The following PTPRG variants were observed in gnomAD, a reference collection of about 807,000 sequenced individuals.
PTPRG encodes the protein receptor-type tyrosine-protein phosphatase gamma.
PTPRG carries 102 observed loss-of-function variants against 165.3 expected under a neutral mutation model. That is an observed-to-expected ratio of 0.62 (90% CI 0.53 to 0.73). The LOEUF is 0.73. PTPRG is among the 30% of genes least tolerant of loss of function. PTPRG has a pLI of 0.00. For synonymous variants in PTPRG, 675 were observed against 669.5 expected (o/e 1.01, Z -0.13); for missense variants, 1,866 against 1,861.4 (o/e 1.00, Z -0.05).
intron 2 of PTPRG, among the ~76,000 whole-genome samples, chr3:61,789,458 A>G (rs1419293145): frequency 1.3e-5 from 2 of 152,170 alleles, no homozygotes; most frequent in Admixed American, 6.5e-5. Context: ...TTGCCCTTAC[A>G]GAAATTCATA....
intron 2 of PTPRG, among the ~76,000 whole-genome samples, chr3:61,939,087 C>T (rs954311417): frequency 6.6e-6 from 1 of 152,156 alleles, no homozygotes; most frequent in East Asian, 1.9e-4. Context: ...TGGGTACAGG[C>T]GCGATGTCCA....
intron 4 of PTPRG, among the ~76,000 whole-genome samples, chr3:62,058,174 G>A (rs547336126): frequency 3.2e-4 from 48 of 152,240 alleles, no homozygotes; most frequent in African/African-American, 1.1e-3. Flanking sequence ...AAAGCAGGAC[G>A]GAAAATTGTG....
chr3:61,962,770 G>A (rs1219992546), intron 2 of PTPRG, among the ~76,000 whole-genome samples: 1 of 152,094 alleles, frequency 6.6e-6, no homozygotes, highest in Non-Finnish European at 1.5e-5. Flanking sequence ...CTAGAAGCTG[G>A]GACACCAAAG....
intron 2 of PTPRG, among the ~76,000 whole-genome samples, chr3:61,781,149 A>G (rs2034533243): frequency 6.6e-6 from 1 of 152,240 alleles, no homozygotes; most frequent in Admixed American, 6.5e-5. Context: ...GTAGGAGGAA[A>G]GATGCCTTGG....
intron 1 of PTPRG, among the ~76,000 whole-genome samples, chr3:61,641,280 C>T (rs185308267): frequency 1.1e-4 from 17 of 152,208 alleles, no homozygotes; most frequent in Admixed American, 4.6e-4. Flanking sequence ...GTTCTTGGCT[C>T]TGGGGATGCA....
chr3:61,847,210 T>C (rs1465924552), intron 2 of PTPRG, among the ~76,000 whole-genome samples: 2 of 152,092 alleles, frequency 1.3e-5, no homozygotes, highest in Non-Finnish European at 2.9e-5. Flanking sequence ...GGTGTCCTTA[T>C]GTAAATGGGA....
intron 5 of PTPRG, among the ~76,000 whole-genome samples, chr3:62,112,066 C>G (rs1702686722): frequency 1.3e-5 from 2 of 152,018 alleles, no homozygotes; most frequent in African/African-American, 4.8e-5. Context: ...AACACCATGG[C>G]CCCAGGTTGA....
intron 1 of PTPRG, among the ~76,000 whole-genome samples, chr3:61,630,332 T>A (rs1379975165): frequency 1.3e-5 from 2 of 152,198 alleles, no homozygotes; most frequent in Non-Finnish European, 2.9e-5. Flanking sequence ...TGTTAACAAA[T>A]ACCACTGTTC....
chr3:62,102,400 G>A (rs1010979755), intron 5 of PTPRG, among the ~76,000 whole-genome samples: 4 of 152,032 alleles, frequency 2.6e-5, no homozygotes, highest in Admixed American at 6.6e-5. Context: ...TCAGCCTCCC[G>A]AGTAGCGTGG....
intron 2 of PTPRG, among the ~76,000 whole-genome samples, chr3:61,854,219 C>T (rs112896227): frequency 2.0e-5 from 3 of 152,288 alleles, no homozygotes; most frequent in African/African-American, 7.2e-5. Flanking sequence ...GAGACAATAA[C>T]CTCCTTGCCC....
chr3:61,890,430 T>TTTTTTTTTTTTTTTTTG (rs2038181159), intron 2 of PTPRG, among the ~76,000 whole-genome samples: 1 of 150,594 alleles, frequency 6.6e-6, no homozygotes, highest in Non-Finnish European at 1.5e-5. Context: ...TTTGTTTTTT[T>TTTTTTTTTTTTTTTTTG]TTTTTTTTAG....
intron 2 of PTPRG, among the ~76,000 whole-genome samples, chr3:61,808,506 A>G (rs1013429849): frequency 1.3e-5 from 2 of 152,278 alleles, no homozygotes; most frequent in African/African-American, 4.8e-5. Flanking sequence ...TATCAACCTC[A>G]TCATAACCTT....
intron 10 of PTPRG, among the ~76,000 whole-genome samples, chr3:62,200,530 A>G (rs983075513): frequency 6.6e-6 from 1 of 152,140 alleles, no homozygotes; most frequent in African/African-American, 2.4e-5. Context: ...CAGCCTCCCA[A>G]AGTGCTAGGA....
At chr3:61,672,831 G>A (rs1026232124) in intron 1 of PTPRG, among the ~76,000 whole-genome samples, 1 of 151,332 alleles carries the variant, frequency 6.6e-6, no homozygotes, top group Non-Finnish European at 1.5e-5. Flanking sequence ...GAGGGAGAGG[G>A]AGAGGGCTCT....
chr3:61,958,653 A>T (rs1391814525), intron 2 of PTPRG, among the ~76,000 whole-genome samples: 1 of 152,140 alleles, frequency 6.6e-6, no homozygotes, highest in Non-Finnish European at 1.5e-5. Context: ...TCTCTTTATG[A>T]TCATCTTTCC....
intron 2 of PTPRG, among the ~76,000 whole-genome samples, chr3:61,883,578 C>CA (rs1364126508): frequency 1.3e-5 from 2 of 151,902 alleles, no homozygotes; most frequent in Non-Finnish European, 2.9e-5. Flanking sequence ...TCCATGGGGA[C>CA]AAAAAAATAG....
chr3:61,935,904 A>G (rs1267244268), intron 2 of PTPRG, among the ~76,000 whole-genome samples: 2 of 152,098 alleles, frequency 1.3e-5, no homozygotes, highest in Non-Finnish European at 2.9e-5. Context: ...TCCCTTCAAA[A>G]TGCGTGTTGA....
intron 8 of PTPRG, among the ~76,000 whole-genome samples, chr3:62,189,835 A>T (rs762172038): frequency 6.6e-6 from 1 of 152,170 alleles, no homozygotes; most frequent in Non-Finnish European, 1.5e-5. Flanking sequence ...GAAAGGCCAG[A>T]GTTCAAATCT....
intron 4 of PTPRG, among the ~76,000 whole-genome samples, chr3:62,016,062 T>C (rs1036551007): frequency 6.6e-6 from 1 of 152,188 alleles, no homozygotes; most frequent in African/African-American, 2.4e-5. Flanking sequence ...GAAGTGATCA[T>C]TAAGCACATT....
Sources: allele counts gnomAD v4.1 joint callset (sites outside exome capture counted in the v4.1 genomes callset), GRCh38; gene constraint gnomAD v4.1.1; transcripts MANE v1.5; gene names NCBI Gene and HGNC (gene_info 2026-07-23, HGNC 2026-07-21).